The following ZNF292 variants were observed in gnomAD, a reference collection of about 807,000 sequenced individuals.
ZNF292 encodes the protein zinc finger protein 292, also known as 16 zinc-finger domain protein.
ZNF292 carries 26 observed loss-of-function variants against 217.9 expected under a neutral mutation model. The observed-to-expected ratio is 0.12, with a 90% CI of 0.09 to 0.17. The LOEUF (loss-of-function observed/expected upper bound fraction) is 0.17, where lower values mean the gene tolerates loss of function less well. Among genes scored for constraint, ZNF292 ranks in the 10% least tolerant of loss-of-function variants. ZNF292 has a pLI of 1.00. For missense variants in ZNF292, 2,904 were observed against 3,175.2 expected (o/e 0.91, Z 2.05); for synonymous variants, 1,257 against 1,124.1 (o/e 1.12, Z -2.37).
At position 87,256,372 on chromosome 6, in the gene ZNF292, G is replaced by A. The variant is rs1014993356; in HGVS notation, c.2743G>A (p.Gly915Arg). The A allele has an allele frequency of 6.8e-6, 11 of 1,609,978 alleles. No individual in the cohort carries two copies. The highest frequency in any genetic ancestry group is 9.3e-6 in the Non-Finnish European group (11 of 1,179,814). ...ISASELRQANGPLSNGLENPA... is the reference protein window; with the variant it reads ...ISASELRQANRPLSNGLENPA... ...TGCCTCTGAGCTCAGGCAAGCTAAT[G>A]GACCATTGTCAAATGGTTTGGAAAA... The change falls in exon 8 of 8, where the codon GGA (glycine) becomes AGA (arginine). Residue 915 changes from glycine (G) to arginine (R), a missense_variant. Gly to Arg is a moderately radical substitution (Grantham distance 125). Transcript: ENST00000369577.
rs1775649302 is a variant in ZNF292, at chr6:87,262,343, A to C, written c.*542A>C. 1 of 152,090 alleles carries C rather than the reference A, an allele frequency of 6.6e-6. No homozygotes were observed. Among genetic ancestry groups the C allele is most frequent in the Admixed American group, 6.6e-5 (1 of 15,262 alleles). The allele number at this position is 152,090 out of a possible 1,614,324, so 9.4% of individuals were successfully genotyped here. On this transcript the variant is annotated 3_prime_UTR_variant, in exon 8 of 8. Transcript: ENST00000369577. ...CCAGAAACTCTGCCATAGTTCATTG[A>C]TTTTTACATGAAACATTTATTTACA...
chr6:87,183,534 C>T (rs1771535364), intron 1 of ZNF292, among the ~76,000 whole-genome samples: 1 of 151,904 alleles, frequency 6.6e-6, no homozygotes, highest in Non-Finnish European at 1.5e-5. Flanking sequence ...GTCTGAAATC[C>T]CAAAGGATTG....
At chr6:87,222,714 T>C in intron 4 of ZNF292, 1 of 429,110 alleles carries the variant, frequency 2.3e-6, no homozygotes, top group Non-Finnish European at 4.7e-6. Context: ...TATTAATTAA[T>C]CCATAATTTA....
At chr6:87,188,552 G>A (rs1348064237) in intron 1 of ZNF292, among the ~76,000 whole-genome samples, 1 of 151,958 alleles carries the variant, frequency 6.6e-6, no homozygotes, top group African/African-American at 2.4e-5. Flanking sequence ...TCAGTGGAAG[G>A]ATAGAGGAGA....
rs149143076 is a variant in ZNF292 at position 87,172,437 on chromosome 6, A to C, written c.168+16678A>C. On this transcript the variant is annotated intron_variant, in intron 1 of 7. Coordinates refer to ENST00000369577, the MANE Select transcript of ZNF292 (RefSeq NM_015021.3). ...ATACATATGCACCTGGTGGGAAAGAATAGTGAGTATTGTTGCCCAGGAGTC... is the reference window on the plus strand; with the variant it reads ...ATACATATGCACCTGGTGGGAAAGACTAGTGAGTATTGTTGCCCAGGAGTC... Among the ~76,000 whole-genome samples the C allele has an allele frequency of 9.8e-5, 15 of 152,356 alleles. No homozygotes were observed. The Middle Eastern group carries it at 0.01, about 104-fold the overall frequency.
In ZNF292 at chr6:87,261,933, A is replaced by AC; in HGVS notation, c.*132_*133insC. ...GAATTAACCTGGCCAAAAACAAAAAAGAAAAAAAAAACATGACATTTGTCA... is the reference window on the plus strand; with the variant it reads ...GAATTAACCTGGCCAAAAACAAAAAACGAAAAAAAAAACATGACATTTGTCA... On this transcript the variant is annotated 3_prime_UTR_variant, in exon 8 of 8. Transcript: ENST00000369577. 1.5e-6 allele frequency: 1 copy of AC among 657,974 alleles called. No individual in the cohort carries two copies. Among genetic ancestry groups the AC allele is most frequent in the Non-Finnish European group, 2.3e-6 (1 of 443,102 alleles). The allele number at this position is 657,974 out of a possible 1,614,324, so 40.8% of individuals were successfully genotyped here.
intron 1 of ZNF292, among the ~76,000 whole-genome samples, chr6:87,172,655 C>T (rs1771138876): frequency 6.6e-6 from 1 of 152,114 alleles, no homozygotes; most frequent in Non-Finnish European, 1.5e-5. Context: ...CCTGTAATCC[C>T]AGCACTTTGG....
chr6:87,158,136 ACAT>A (rs1337528915), intron 1 of ZNF292, among the ~76,000 whole-genome samples: 1 of 152,250 alleles, frequency 6.6e-6, no homozygotes, highest in East Asian at 1.9e-4. Context: ...TGACAAAAAA[ACAT>A]CAAACACTAA....
chr6:87,158,669 C>T (rs1770624095), intron 1 of ZNF292, among the ~76,000 whole-genome samples: 1 of 151,898 alleles, frequency 6.6e-6, no homozygotes, highest in Non-Finnish European at 1.5e-5. Context: ...AGAGAAAGAT[C>T]CTGTCTCAAA....
intron 1 of ZNF292, among the ~76,000 whole-genome samples, chr6:87,201,999 G>A (rs1236247912): frequency 6.6e-6 from 1 of 152,132 alleles, no homozygotes; most frequent in African/African-American, 2.4e-5. Flanking sequence ...CTTGCTATCT[G>A]ATTAGGGCAG....
Position 87,258,087 on chromosome 6 carries a change from T to C in ZNF292, c.4458T>C (p.Gly1486=). Residue 1486 remains glycine, a synonymous_variant, in exon 8 of 8, where the codon GGT becomes GGC. Coordinates refer to ENST00000369577, the MANE Select transcript of ZNF292 (RefSeq NM_015021.3). ...TTAATACCAGTGTCAGTCAAGAAGG[T>C]AGTGAAATTATTAAACAGGCTTTGG... is the stretch of plus-strand genomic sequence containing the variant. ...TNFNTSVSQE[G]SEIIKQALET... is the part of the protein sequence containing the mutation. 1 of 1,613,492 alleles carries C rather than the reference T, an allele frequency of 6.2e-7. No homozygotes were observed.
intron 1 of ZNF292, among the ~76,000 whole-genome samples, chr6:87,211,152 T>C (rs1772466259): frequency 6.6e-6 from 1 of 152,164 alleles, no homozygotes; most frequent in Non-Finnish European, 1.5e-5. Flanking sequence ...ATCATCTTGC[T>C]CCTCTTTGAA....
chr6:87,166,297 G>C (rs1293866572), intron 1 of ZNF292, among the ~76,000 whole-genome samples: 3 of 152,122 alleles, frequency 2.0e-5, no homozygotes, highest in African/African-American at 4.8e-5. Flanking sequence ...CTTTGTGACT[G>C]CTTAGATAAC....
At position 87,233,332 on chromosome 6, in the gene ZNF292, A is replaced by G. The variant is rs746349367; in HGVS notation, c.546A>G (p.Glu182=). The G allele has an allele frequency of 6.2e-7, 1 of 1,604,502 alleles. No homozygotes were observed. The highest frequency in any genetic ancestry group is 1.7e-5 in the Admixed American group (1 of 58,984). The stretch of plus-strand genomic sequence containing the variant: ...ATGTCTTGTTTTTTAAAGTGAATGA[A>G]TTTTTAGCTTTTGAGGGTCCCATCT... ...QEPLDKDKVN[E]FLAFEGPILL... is the part of the protein sequence containing the mutation. The change falls in exon 5 of 8, where the codon GAA becomes GAG. Residue 182 remains glutamate, a synonymous_variant. Coordinates refer to ENST00000369577, the MANE Select transcript of ZNF292 (RefSeq NM_015021.3).
At chr6:87,203,234 A>G (rs541383385) in intron 1 of ZNF292, among the ~76,000 whole-genome samples, 16 of 150,160 alleles carry the variant, frequency 1.1e-4, no homozygotes, top group Non-Finnish European at 2.2e-4. Flanking sequence ...TTGACCTCCA[A>G]GGTTAAGGTG....
At chr6:87,172,991 ATATT>A (rs1771156000) in intron 1 of ZNF292, among the ~76,000 whole-genome samples, 1 of 152,088 alleles carries the variant, frequency 6.6e-6, no homozygotes, top group Admixed American at 6.5e-5. Context: ...TTAAAAACCT[ATATT>A]TAACTCATTT....
chr6:87,257,932 C>G lies in ZNF292; in HGVS notation c.4303C>G (p.Gln1435Glu). 1 of 1,613,924 alleles carries G rather than the reference C, an allele frequency of 6.2e-7. No individual in the cohort carries two copies. Among genetic ancestry groups the G allele is most frequent in the Non-Finnish European group, 8.5e-7 (1 of 1,179,828 alleles). Reference sequence around the variant, plus strand: ...TCTCTCCACAAATGCAGTAAATTTGCAGCAGCCACAACAATCTACCTTCAA... The same window carrying G: ...TCTCTCCACAAATGCAGTAAATTTGGAGCAGCCACAACAATCTACCTTCAA... Reference protein sequence around the residue: ...MILSTNAVNLQQPQQSTFNPE... With the variant: ...MILSTNAVNLEQPQQSTFNPE... The change falls in exon 8 of 8, where the codon CAG (glutamine) becomes GAG (glutamate). Residue 1435 changes from glutamine (Q) to glutamate (E), a missense_variant. By Grantham distance (29) the Gln-to-Glu change is conservative. This residue lies in a region of ZNF292 where 622 missense variants were observed against 573.1 expected (regional missense o/e 1.09). Transcript: ENST00000369577.
intron 7 of ZNF292, among the ~76,000 whole-genome samples, chr6:87,250,665 AT>A (rs1191838171): frequency 5.9e-5 from 9 of 152,208 alleles, no homozygotes; most frequent in African/African-American, 2.2e-4. Context: ...AGCATTGTGG[AT>A]TTTGGTATCC....
In ZNF292 at chr6:87,263,331, CA is replaced by C. The variant is rs1775700287; in HGVS notation, c.*1531del. ...TTTTTATTTTGTGTTTGTTATAAAA[CA>C]GTTGCATTCACAATATTATTGGCCT... On this transcript the variant is annotated 3_prime_UTR_variant, in exon 8 of 8. Coordinates refer to ENST00000369577, the MANE Select transcript of ZNF292 (RefSeq NM_015021.3). 1 of 151,792 alleles carries C rather than the reference CA, an allele frequency of 6.6e-6. No homozygotes were observed. Among genetic ancestry groups the C allele is most frequent in the Non-Finnish European group, 1.5e-5 (1 of 67,876 alleles). The allele number at this position is 151,792 out of a possible 1,614,324, so 9.4% of individuals were successfully genotyped here. A position where few individuals can be genotyped will look rare whatever the true frequency, so the allele number is the denominator to read the frequency against.
Sources: gnomAD v4.1 joint callset for allele counts (sites outside exome capture counted in the v4.1 genomes callset) on GRCh38, gnomAD v4.1.1 for gene constraint, gnomAD v4.1.1 regional missense constraint, MANE v1.5 for transcripts, NCBI Gene and HGNC (gene_info 2026-07-23, HGNC 2026-07-21) for gene names.